Variants in TMEM117 observed in about 807,000 individuals in gnomAD.
TMEM117 encodes transmembrane protein 117.
Under a neutral mutation model 52.4 loss-of-function variants are expected in TMEM117, and 27 were observed. That is an observed-to-expected ratio of 0.51 (90% confidence interval 0.38 to 0.71). The LOEUF is 0.71. TMEM117 is among the 30% of genes least tolerant of loss of function. The probability of loss-of-function intolerance (pLI) is 0.00; values close to 1 mark genes in which losing one functional copy is unlikely to be tolerated. For missense variants in TMEM117, 556 were observed against 630.5 expected (o/e 0.88, Z 1.26); for synonymous variants, 215 against 206.3 (o/e 1.04, Z -0.36).
rs1943170390 is a variant in TMEM117, at chr12:43,844,718, ATCT to A, written c.72_74del (p.Phe25del). On this transcript the variant is annotated inframe_deletion, in exon 2 of 8. Coordinates refer to ENST00000266534, the MANE Select transcript of TMEM117 (RefSeq NM_032256.3). The stretch of plus-strand genomic sequence containing the variant: ...TCGCATGATTGTGGCTTACTTGGTG[ATCT>A]TCTTTAACTTCTTAATATTTGCGGA... 5 of 1,613,992 alleles carry A rather than the reference ATCT, an allele frequency of 3.1e-6. No individual in the cohort carries two copies. The highest frequency in any genetic ancestry group is 1.3e-5 in the African/African-American group (1 of 74,904).
chr12:44,344,022 G>A (rs1951451603), intron 6 of TMEM117, among the ~76,000 whole-genome samples: 1 of 152,072 alleles, frequency 6.6e-6, no homozygotes, highest in African/African-American at 2.4e-5. Flanking sequence ...TTGGTTGCCT[G>A]GCTTGTTCAG....
intron 3 of TMEM117, among the ~76,000 whole-genome samples, chr12:44,004,646 A>G (rs1463794952): frequency 6.6e-6 from 1 of 152,072 alleles, no homozygotes; most frequent in East Asian, 1.9e-4. Context: ...TGGCCAGTTT[A>G]TATGATCACC....
chr12:43,984,296 A>G (rs1159280977), intron 3 of TMEM117, among the ~76,000 whole-genome samples: 1 of 151,886 alleles, frequency 6.6e-6, no homozygotes, highest in Admixed American at 6.6e-5. Context: ...TAAACCCGGG[A>G]TGTGGAGGTT....
At chr12:44,093,688 C>G (rs986381807) in intron 3 of TMEM117, among the ~76,000 whole-genome samples, 4 of 151,730 alleles carry the variant, frequency 2.6e-5, no homozygotes, top group Non-Finnish European at 4.4e-5. Flanking sequence ...TTACATAGAT[C>G]TTTTAAGAAA....
intron 4 of TMEM117, among the ~76,000 whole-genome samples, chr12:44,210,324 A>C (rs10506241): frequency 2.6e-5 from 4 of 152,064 alleles, no homozygotes; most frequent in Admixed American, 6.6e-5. Context: ...CTCCATCCTC[A>C]TTGGATTTTT....
intron 6 of TMEM117, among the ~76,000 whole-genome samples, chr12:44,312,566 A>G (rs1232701643): frequency 6.6e-6 from 1 of 152,202 alleles, no homozygotes; most frequent in Non-Finnish European, 1.5e-5. Context: ...GCTCTGTGAT[A>G]CATATGTGAG....
At chr12:44,270,856 T>C (rs1443363923) in intron 5 of TMEM117, among the ~76,000 whole-genome samples, 1 of 152,132 alleles carries the variant, frequency 6.6e-6, no homozygotes, top group African/African-American at 2.4e-5. Flanking sequence ...ATGCTTTTTC[T>C]GCATCTATTG....
the TMEM117 span, among the ~76,000 whole-genome samples, chr12:43,829,925 CAA>C: frequency 6.7e-6 from 1 of 149,814 alleles, no homozygotes; most frequent in African/African-American, 2.5e-5. Context: ...CCGTCTCTAC[CAA>C]AAATACAAAA....
chr12:43,859,475 G>C (rs755280038), intron 2 of TMEM117, among the ~76,000 whole-genome samples: 1 of 150,032 alleles, frequency 6.7e-6, no homozygotes, highest in African/African-American at 2.4e-5. Context: ...TTCTTGATTT[G>C]TAAATGTAAA....
intron 5 of TMEM117, among the ~76,000 whole-genome samples, chr12:44,235,039 A>C (rs1463590450): frequency 2.0e-5 from 3 of 151,568 alleles, no homozygotes; most frequent in Non-Finnish European, 4.4e-5. Flanking sequence ...GCTACATGTA[A>C]GTGTATTAAA....
At chr12:44,076,333 TATTA>T (rs1947381609) in intron 3 of TMEM117, among the ~76,000 whole-genome samples, 1 of 152,218 alleles carries the variant, frequency 6.6e-6, no homozygotes, top group Non-Finnish European at 1.5e-5. Flanking sequence ...CTTTTTCTTC[TATTA>T]ATTAATGACA....
intron 2 of TMEM117, among the ~76,000 whole-genome samples, chr12:43,864,963 T>G (rs554523958): frequency 6.6e-5 from 10 of 152,004 alleles, no homozygotes; most frequent in African/African-American, 2.4e-4. Flanking sequence ...GAACGAACAA[T>G]TCCAGACCCG....
chr12:44,102,224 A>T (rs1471015419), intron 3 of TMEM117, among the ~76,000 whole-genome samples: 1 of 152,064 alleles, frequency 6.6e-6, no homozygotes, highest in African/African-American at 2.4e-5. Context: ...ACAGCAAAGC[A>T]TATAGGATTT....
At chr12:44,032,392 T>C (rs960945548) in intron 3 of TMEM117, among the ~76,000 whole-genome samples, 2 of 152,234 alleles carry the variant, frequency 1.3e-5, no homozygotes, top group Non-Finnish European at 2.9e-5. Flanking sequence ...TAGGCTAATG[T>C]TACTTATTCC....
At chr12:44,207,410 A>G (rs1206081344) in intron 4 of TMEM117, among the ~76,000 whole-genome samples, 1 of 152,236 alleles carries the variant, frequency 6.6e-6, no homozygotes. Flanking sequence ...AGAGAATCAT[A>G]CAGAATGTCA....
chr12:44,114,480 G>C (rs182423302), intron 3 of TMEM117, among the ~76,000 whole-genome samples: 5 of 152,140 alleles, frequency 3.3e-5, no homozygotes, highest in Non-Finnish European at 4.4e-5. Context: ...GATCTCAAGA[G>C]AACCTTTTTC....
At chr12:43,955,257 A>G (rs924946941) in intron 3 of TMEM117, among the ~76,000 whole-genome samples, 3 of 152,288 alleles carry the variant, frequency 2.0e-5, no homozygotes, top group Admixed American at 2.0e-4. Flanking sequence ...CTGTCTCACT[A>G]CTCCTATTCA....
the TMEM117 span, among the ~76,000 whole-genome samples, chr12:43,817,613 C>T: frequency 6.6e-6 from 1 of 152,106 alleles, no homozygotes; most frequent in South Asian, 2.1e-4. Context: ...AAAAAAATCA[C>T]CTTTTATTTT....
intron 3 of TMEM117, among the ~76,000 whole-genome samples, chr12:44,137,784 C>T (rs1948513482): frequency 6.6e-6 from 1 of 152,178 alleles, no homozygotes; most frequent in Non-Finnish European, 1.5e-5. Context: ...CTACCTACCA[C>T]TGGGTCCCTC....
Sources: gnomAD v4.1 joint callset for allele counts (sites outside exome capture counted in the v4.1 genomes callset) on GRCh38, gnomAD v4.1.1 for gene constraint, MANE v1.5 for transcripts, NCBI Gene and HGNC (gene_info 2026-07-23, HGNC 2026-07-21) for gene names.